MRPL34: variants seen among roughly 807,000 people sequenced by gnomAD.
MRPL34 encodes large ribosomal subunit protein bL34m.
Under a neutral mutation model 6.7 loss-of-function variants are expected in MRPL34, and 8 were observed. The ratio of observed to expected loss-of-function variants is 1.20; its 90% CI spans 0.70 to 2.16. The LOEUF (loss-of-function observed/expected upper bound fraction) is 2.16. MRPL34 is among the 30% of genes most tolerant of loss of function. The pLI, the probability that MRPL34 is intolerant of heterozygous loss-of-function variation, is 0.00. For missense variants in MRPL34, 146 were observed against 125.5 expected (o/e 1.16, Z -0.78); for synonymous variants, 59 against 55.1 (o/e 1.07, Z -0.31).
At chr19:17,301,375 C>A, upstream of MRPL34, 1 of 1,611,106 alleles carries the variant, frequency 6.2e-7, no homozygotes, top group Non-Finnish European at 8.5e-7. Flanking sequence ...CACGGTGATC[C>A]GGCGCTGACA....
intron 1 of MRPL34, chr19:17,297,643 T>C (rs1191301257): frequency 1.3e-5 from 2 of 152,128 alleles, no homozygotes; most frequent in Non-Finnish European, 2.9e-5. Context: ...GCATCAACTT[T>C]TGAGTATGTT....
At chr19:17,294,956 C>A (rs2074087227) in intron 1 of MRPL34, 14 of 1,326,036 alleles carry the variant, frequency 1.1e-5, no homozygotes, top group African/African-American at 2.9e-5. Flanking sequence ...GACAGTTTTA[C>A]TCTGTCCCCC....
chr19:17,306,348 T>A lies in MRPL34; in HGVS notation c.248T>A (p.Met83Lys), dbSNP rs1756805575. The change falls in exon 2 of 2, where the codon ATG becomes AAG. Residue 83 changes from methionine to lysine, a missense_variant. Coordinates refer to ENST00000252602, the MANE Select transcript of MRPL34 (RefSeq NM_023937.4). ...GGCGTGCAGGTCATCCTTCGCCGAA[T>A]GCTCAAGGGCCGCAAGTCGCTGAGC... ...PAGVQVILRR[M>K]LKGRKSLSH 6.2e-7 allele frequency: 1 copy of A among 1,607,680 alleles called. No individual in the cohort carries two copies. Among genetic ancestry groups the A allele is most frequent in the Non-Finnish European group, 8.5e-7 (1 of 1,178,414 alleles).
chr19:17,301,309 A>C, upstream of MRPL34: 1 of 1,607,552 alleles, frequency 6.2e-7, no homozygotes, highest in Non-Finnish European at 8.5e-7. Flanking sequence ...CCCGTGTAGG[A>C]GGTCGGCTCG....
rs1305558759 is a variant in MRPL34 at position 17,306,146 on chromosome 19, C to G, written c.66-20C>G. ...CCAGCGCCCCGTCTGACCTTTCTCG[C>G]CGTCCCTCTACCCACGCAGGTGGCT... On this transcript the variant is annotated intron_variant, in intron 1 of 1. Coordinates refer to ENST00000252602, the MANE Select transcript of MRPL34 (RefSeq NM_023937.4). 6.6e-7 allele frequency: 1 copy of G among 1,510,190 alleles called. No individual in the cohort carries two copies. Among genetic ancestry groups the G allele is most frequent in the Non-Finnish European group, 8.8e-7 (1 of 1,130,790 alleles). 93.5% of individuals were successfully genotyped at this position (1,510,190 alleles called of 1,614,324 possible). A position where few individuals can be genotyped will look rare whatever the true frequency, so the allele number is the denominator to read the frequency against.
Position 17,306,207 on chromosome 19 carries a change from G to C in MRPL34, c.107G>C (p.Trp36Ser), listed in dbSNP as rs1270083700. ...PRAWLGFPDA[W>S]GLPTPQQARG... ...GCCTGGCTGGGGTTCCCAGACGCCTGGGGCCTCCCCACCCCGCAGCAGGCC... is the reference window on the plus strand; with the variant it reads ...GCCTGGCTGGGGTTCCCAGACGCCTCGGGCCTCCCCACCCCGCAGCAGGCC... The change falls in exon 2 of 2, where the codon TGG (tryptophan) becomes TCG (serine). Residue 36 changes from tryptophan (W) to serine (S), a missense_variant. Transcript: ENST00000252602. 5.1e-6 allele frequency: 8 copies of C among 1,556,270 alleles called. No homozygotes were observed. Among genetic ancestry groups the C allele is most frequent in the Non-Finnish European group, 7.0e-6 (8 of 1,150,848 alleles).
upstream of MRPL34, chr19:17,298,246 G>A (rs1388712270): frequency 6.6e-6 from 1 of 152,102 alleles, no homozygotes; most frequent in Non-Finnish European, 1.5e-5. Flanking sequence ...GCATAGGCTA[G>A]AATCTCTAAA....
chr19:17,305,385 G>A (rs1389463559), upstream of MRPL34, among the ~76,000 whole-genome samples: 4 of 152,130 alleles, frequency 2.6e-5, no homozygotes, highest in African/African-American at 9.7e-5. Context: ...ACCACCCCAA[G>A]GACACGCAGC....
upstream of MRPL34, chr19:17,301,361 G>A: frequency 6.2e-7 from 1 of 1,610,472 alleles, no homozygotes; most frequent in African/African-American, 1.3e-5. Flanking sequence ...CGCCCATTGC[G>A]GTACACGGTG....
At chr19:17,294,160 G>T (rs747519356) in intron 1 of MRPL34, 701 of 1,187,374 alleles carry the variant, frequency 5.9e-4, no homozygotes, top group Non-Finnish European at 7.7e-4. Context: ...ACGCCCACCC[G>T]GCAGCCACGC....
chr19:17,292,710 G>A (rs1247885006), exon 1 of MRPL34: 1 of 1,613,316 alleles, frequency 6.2e-7, no homozygotes, highest in Non-Finnish European at 8.5e-7. Flanking sequence ...TAGAGCCTTG[G>A]GCGAGGGCTC....
At chr19:17,300,173 G>T (rs2145658327), upstream of MRPL34, among the ~76,000 whole-genome samples, 1 of 151,980 alleles carries the variant, frequency 6.6e-6, no homozygotes, top group East Asian at 1.9e-4. Flanking sequence ...CAAAGTGCTG[G>T]GATTACAGGC....
At chr19:17,297,783 T>C (rs2074100041) in intron 1 of MRPL34, 1 of 150,772 alleles carries the variant, frequency 6.6e-6, no homozygotes, top group Non-Finnish European at 1.5e-5. Flanking sequence ...TTTGTAGAGA[T>C]GAGATCTTGC....
chr19:17,302,165 G>A (rs2074123237), upstream of MRPL34: 1 of 152,278 alleles, frequency 6.6e-6, no homozygotes. Flanking sequence ...CAGAGAGAAA[G>A]ACTTGGCTAT....
chr19:17,297,295 G>GT (rs1311647273), intron 1 of MRPL34, among the ~76,000 whole-genome samples: 8 of 151,678 alleles, frequency 5.3e-5, no homozygotes, highest in African/African-American at 1.5e-4. Context: ...TGTTTTTTTT[G>GT]TTTTTTTGTT....
rs1396018002 is a variant in MRPL34 at position 17,306,125 on chromosome 19, C to A, written c.66-41C>A. 7 of 1,489,282 alleles carry A rather than the reference C, an allele frequency of 4.7e-6. No homozygotes were observed. The Admixed American group carries it at 9.1e-5, about 19-fold the overall frequency. The allele number at this position is 1,489,282 out of a possible 1,614,324, so 92.3% of individuals were successfully genotyped here. ...GAGGTTGAGCGCCAAGGTCACCCAG[C>A]GCCCCGTCTGACCTTTCTCGCCGTC... On this transcript the variant is annotated intron_variant, in intron 1 of 1. Transcript: ENST00000252602.
chr19:17,301,496 C>T (rs765984168), upstream of MRPL34: 4 of 1,611,746 alleles, frequency 2.5e-6, no homozygotes, highest in Non-Finnish European at 3.4e-6. Flanking sequence ...AGCACGCGGC[C>T]GGGCTTGACC....
chr19:17,306,445 C>T lies in MRPL34; in HGVS notation c.*66C>T. ...CCCTCGCCTCGGACCTTGCCTGGCG[C>T]TATTTTTGCAGGGAGCTGGGGAGCA... On this transcript the variant is annotated 3_prime_UTR_variant, in exon 2 of 2. Transcript: ENST00000252602. 15 of 1,415,950 alleles carry T rather than the reference C, an allele frequency of 1.1e-5. No homozygotes were observed. Among genetic ancestry groups the T allele is most frequent in the Non-Finnish European group, 1.4e-5 (15 of 1,060,218 alleles). 87.7% of individuals were successfully genotyped at this position (1,415,950 alleles called of 1,614,324 possible). A position where few individuals can be genotyped will look rare whatever the true frequency, so the allele number is the denominator to read the frequency against.
At chr19:17,293,454 G>C (rs1390964342) in intron 1 of MRPL34, among the ~76,000 whole-genome samples, 1 of 94,300 alleles carries the variant, frequency 1.1e-5, no homozygotes, top group African/African-American at 3.7e-5. Context: ...ATCATTCTTT[G>C]CTGGGGGGGC....
Sources: gnomAD v4.1 joint callset for allele counts (sites outside exome capture counted in the v4.1 genomes callset) on GRCh38, gnomAD v4.1.1 for gene constraint, MANE v1.5 for transcripts, NCBI Gene and HGNC (gene_info 2026-07-23, HGNC 2026-07-21) for gene names.